MAN2A2: variants seen among roughly 807,000 people sequenced by gnomAD.
MAN2A2 encodes the protein alpha-mannosidase 2x.
MAN2A2 carries 79 observed loss-of-function variants against 126.8 expected under a neutral mutation model. The observed-to-expected ratio is 0.62, with a 90% CI of 0.52 to 0.75. MAN2A2 has a LOEUF of 0.75. MAN2A2 is among the 30% of genes least tolerant of loss of function. The pLI, the probability that MAN2A2 is intolerant of heterozygous loss-of-function variation, is 0.00. For synonymous variants in MAN2A2, 671 were observed against 618.7 expected (o/e 1.08, Z -1.25); for missense variants, 1,392 against 1,522.4 (o/e 0.91, Z 1.43).
chr15:90,911,442 G>C lies in MAN2A2; in HGVS notation c.2001G>C (p.Leu667=). The C allele has an allele frequency of 1.2e-6, 2 of 1,614,224 alleles. No homozygotes were observed. Among genetic ancestry groups the C allele is most frequent in the Non-Finnish European group, 1.7e-6 (2 of 1,180,030 alleles). Residue 667 remains leucine, a synonymous_variant, in exon 14 of 23, where the codon CTG becomes CTC. Coordinates refer to ENST00000559717, the MANE Select transcript of MAN2A2 (RefSeq NM_006122.4). ...EQERFSMVSL[L]VNSPRVRVLS... ...AGCGATTCAGCATGGTGTCCCTGCT[G>C]GTCAACTCTCCCCGCGTGCGTGTCC...
intron 8 of MAN2A2, among the ~76,000 whole-genome samples, chr15:90,908,863 A>G (rs1273237292): frequency 2.6e-5 from 4 of 152,198 alleles, no homozygotes; most frequent in Non-Finnish European, 4.4e-5. Flanking sequence ...GGTGTGAGCC[A>G]CTGCGCTCGG....
At position 90,916,669 on chromosome 15, in the gene MAN2A2, C is replaced by T. The variant is rs1003610959; in HGVS notation, c.2994+413C>T. 2.3e-5 allele frequency: 30 copies of T among 1,292,936 alleles called. No homozygotes were observed. In the East Asian group the frequency reaches 3.3e-4, roughly 14 times the overall value. 80.1% of individuals were successfully genotyped at this position (1,292,936 alleles called of 1,614,324 possible). On this transcript the variant is annotated intron_variant, in intron 20 of 22. Coordinates refer to ENST00000559717, the MANE Select transcript of MAN2A2 (RefSeq NM_006122.4). ...GGAGCGGTAACCGAGAGGTAAGGGT[C>T]GGCTCTGGGAGCGGGGAACTAGTAC...
intron 17 of MAN2A2, 118 bp downstream of exon 17, chr15:90,913,109 A>G (rs553649750): frequency 1.7e-6 from 2 of 1,152,694 alleles, no homozygotes; most frequent in Non-Finnish European, 2.5e-6. Context: ...TGAGACAGGG[A>G]TGCTCCATTC....
intron 14 of MAN2A2, 100 bp from the exon 15 acceptor site, chr15:90,911,943 G>T (rs1596160988): frequency 1.1e-6 from 1 of 951,748 alleles, no homozygotes; most frequent in East Asian, 2.4e-5. Context: ...GGCCCAGCGG[G>T]TGCAGGGGCT....
rs1380709938 is a variant in MAN2A2 at position 90,911,475 on chromosome 15, G to A, written c.2034G>A (p.Glu678=). 1 of 1,614,208 alleles carries A rather than the reference G, an allele frequency of 6.2e-7. No homozygotes were observed. Among genetic ancestry groups the A allele is most frequent in the South Asian group, 1.1e-5 (1 of 91,084 alleles). ...VNSPRVRVLS[E]EGQPLAVQIS... is the part of the protein sequence containing the mutation. ...CTCCCCGCGTGCGTGTCCTTTCGGA[G>A]GAGGGTCAGCCCCTGGCCGTGCAGA... Residue 678 remains glutamate (E), a synonymous_variant, in exon 14 of 23, where the codon GAG becomes GAA. Transcript: ENST00000559717.
chr15:90,919,650 C>T lies in MAN2A2; in HGVS notation c.3316C>T (p.Leu1106Phe). ...CTCTCCACAGGTAGCCCTGGGCAGC[C>T]TTTTCCATGGCCTGGATGTGGTATT... ...TSQGKVALGSLFHGLDVVFLQ... is the reference protein window; with the variant it reads ...TSQGKVALGSFFHGLDVVFLQ... The change falls in exon 23 of 23, where the codon CTT becomes TTT. Residue 1106 changes from leucine to phenylalanine, a missense_variant. Leu to Phe is a conservative substitution (Grantham distance 22). Coordinates refer to ENST00000559717, the MANE Select transcript of MAN2A2 (RefSeq NM_006122.4). 1 of 1,614,162 alleles carries T rather than the reference C, an allele frequency of 6.2e-7. No individual in the cohort carries two copies. Among genetic ancestry groups the T allele is most frequent in the East Asian group, 2.2e-5 (1 of 44,884 alleles).
chr15:90,905,664 A>G lies in MAN2A2; in HGVS notation c.476A>G (p.His159Arg). The change falls in exon 4 of 23, where the codon CAC becomes CGC. Residue 159 changes from histidine to arginine, a missense_variant. Physicochemically the swap from His to Arg is conservative, Grantham distance 29. Transcript: ENST00000559717. ...GGCTTCGACATCTCCTACGACCCGC[A>G]CGACTGGGATGCTGAAGACCTGCAG... is the stretch of plus-strand genomic sequence containing the variant. Reference protein sequence around the residue: ...RQGFDISYDPHDWDAEDLQVF... With the variant: ...RQGFDISYDPRDWDAEDLQVF... 6.2e-7 allele frequency: 1 copy of G among 1,614,110 alleles called. No homozygotes were observed. Among genetic ancestry groups the G allele is most frequent in the Non-Finnish European group, 8.5e-7 (1 of 1,180,024 alleles).
In MAN2A2 at chr15:90,909,261, G is replaced by A. The variant is rs1055246291; in HGVS notation, c.1197-66G>A. ...CTTCTAGGGGCTTGCTGGCGGGATG[G>A]CTGTGCGTGGTGCTCTTTTACTGAT... is the stretch of plus-strand genomic sequence containing the variant. On this transcript the variant is annotated intron_variant, in intron 8 of 22. Transcript: ENST00000559717. 17 of 1,501,516 alleles carry A rather than the reference G, an allele frequency of 1.1e-5. No individual in the cohort carries two copies. In the South Asian group the frequency reaches 1.7e-4, roughly 15 times the overall value. The allele number at this position is 1,501,516 out of a possible 1,614,324, so 93.0% of individuals were successfully genotyped here.
At chr15:90,919,244 T>A (rs982742480) in intron 22 of MAN2A2, among the ~76,000 whole-genome samples, 2 of 152,182 alleles carry the variant, frequency 1.3e-5, no homozygotes, top group Non-Finnish European at 2.9e-5. Context: ...TGCACACTCA[T>A]GTGTAAGAAG....
intron 14 of MAN2A2, 26 bp from the exon 15 acceptor site, chr15:90,912,017 C>A: frequency 6.3e-7 from 1 of 1,591,162 alleles, no homozygotes; most frequent in African/African-American, 1.3e-5. Context: ...CGTGCCCCCA[C>A]TTCCTCACCC....
At chr15:90,914,117 C>T (rs2034990462) in intron 19 of MAN2A2, among the ~76,000 whole-genome samples, 1 of 152,218 alleles carries the variant, frequency 6.6e-6, no homozygotes, top group African/African-American at 2.4e-5. Context: ...AGGCAGAAGG[C>T]CAGGAGTTTG....
chr15:90,905,618 G>T lies in MAN2A2; in HGVS notation c.430G>T (p.Asp144Tyr), dbSNP rs1372834963. 1 of 1,614,218 alleles carries T rather than the reference G, an allele frequency of 6.2e-7. No individual in the cohort carries two copies. Among genetic ancestry groups the T allele is most frequent in the Non-Finnish European group, 8.5e-7 (1 of 1,180,042 alleles). Residue 144 changes from aspartate to tyrosine, a missense_variant, in exon 4 of 23, where the codon GAT becomes TAT. Transcript: ENST00000559717. ...GGAGGAGCTGCCGTTTGACAACGTGGATGGTGGTGTGTGGAGGCAAGGCTT... is the reference window on the plus strand; with the variant it reads ...GGAGGAGCTGCCGTTTGACAACGTGTATGGTGGTGTGTGGAGGCAAGGCTT... ...VSEELPFDNV[D>Y]GGVWRQGFDI...
At chr15:90,911,598 GC>G in intron 14 of MAN2A2, 48 bp downstream of exon 14, 1 of 1,545,592 alleles carries the variant, frequency 6.5e-7, no homozygotes. Context: ...CCCGTCGTGG[GC>G]CCCTCCCCGC....
intron 20 of MAN2A2, 112 bp from the exon 21 acceptor site, chr15:90,918,082 A>G (rs1455965001): frequency 2.0e-6 from 2 of 1,023,746 alleles, no homozygotes; most frequent in Non-Finnish European, 2.9e-6. Flanking sequence ...GTCCAGGCAC[A>G]CCAGGAAAGG....
At position 90,922,101 on chromosome 15, in the gene MAN2A2, A is replaced by G. The variant is rs2035569351; in HGVS notation, c.*2314A>G. ...AAGATAAGCAGATTTCGCAACCAAA[A>G]AATATCGAAAGTCTCTGTGTGATGG... On this transcript the variant is annotated 3_prime_UTR_variant, in exon 23 of 23. Transcript: ENST00000559717. 6.6e-6 allele frequency: 1 copy of G among 152,232 alleles called. No individual in the cohort carries two copies. The highest frequency in any genetic ancestry group is 2.4e-5 in the African/African-American group (1 of 41,454). 9.4% of individuals were successfully genotyped at this position (152,232 alleles called of 1,614,324 possible). A position where few individuals can be genotyped will look rare whatever the true frequency, so the allele number is the denominator to read the frequency against.
In MAN2A2 at chr15:90,905,450, T is replaced by C. The variant is rs148026957; in HGVS notation, c.332T>C (p.Ile111Thr). 1.2e-6 allele frequency: 2 copies of C among 1,613,772 alleles called. No individual in the cohort carries two copies. The highest frequency in any genetic ancestry group is 1.7e-6 in the Non-Finnish European group (2 of 1,179,974). ...GAGCCCCGGCCCAGCTTCTTCTCCA[T>C]CTCCCCGCAGGACTGCCAGTTTGCT... is the stretch of plus-strand genomic sequence containing the variant. ...PPEPRPSFFS[I>T]SPQDCQFALG... The change falls in exon 3 of 23, where the codon ATC becomes ACC. Residue 111 changes from isoleucine (I) to threonine (T), a missense_variant. Coordinates refer to ENST00000559717, the MANE Select transcript of MAN2A2 (RefSeq NM_006122.4).
At chr15:90,906,053 C>G in intron 5 of MAN2A2, 37 bp downstream of exon 5, 1 of 1,612,002 alleles carries the variant, frequency 6.2e-7, no homozygotes, top group Non-Finnish European at 8.5e-7. Flanking sequence ...AGGGCATTGT[C>G]TGAGCCCCAG....
intron 6 of MAN2A2, 35 bp from the exon 7 acceptor site, chr15:90,906,705 G>A: frequency 1.0e-5 from 16 of 1,605,346 alleles, no homozygotes; most frequent in Non-Finnish European, 1.3e-5. Flanking sequence ...CCTGAGGTGT[G>A]TTCAGGGCCT....
At position 90,918,500 on chromosome 15, in the gene MAN2A2, G is replaced by A. The variant is rs1309658297; in HGVS notation, c.3189+112G>A. On this transcript the variant is annotated intron_variant, in intron 21 of 22. Coordinates refer to ENST00000559717, the MANE Select transcript of MAN2A2 (RefSeq NM_006122.4). The stretch of plus-strand genomic sequence containing the variant: ...GGTCCAGACCCCTTAGCAGGTATTC[G>A]GCTCCAAACCTCCAGGACCAGGTTT... 3.0e-5 allele frequency: 40 copies of A among 1,338,766 alleles called. No homozygotes were observed. The East Asian group carries it at 6.8e-4, about 23-fold the overall frequency. 82.9% of individuals were successfully genotyped at this position (1,338,766 alleles called of 1,614,324 possible). A position where few individuals can be genotyped will look rare whatever the true frequency, so the allele number is the denominator to read the frequency against.
Sources: gnomAD v4.1 joint callset for allele counts (sites outside exome capture counted in the v4.1 genomes callset) on GRCh38, gnomAD v4.1.1 for gene constraint, MANE v1.5 for transcripts, NCBI Gene and HGNC (gene_info 2026-07-23, HGNC 2026-07-21) for gene names.